Variants in RGPD2 observed in about 807,000 individuals in gnomAD.
RGPD2 encodes the protein RANBP2-like and GRIP domain-containing protein 2.
A neutral mutation model predicts 36.0 loss-of-function variants in RGPD2; 2 were observed. The ratio of observed to expected loss-of-function variants is 0.06; its 90% CI spans 0.02 to 0.17. RGPD2 has a LOEUF of 0.17. RGPD2 is among the 10% of genes least tolerant of loss of function. RGPD2 has a pLI of 1.00. For missense variants in RGPD2, 40 were observed against 464.3 expected (o/e 0.09, Z 8.40); for synonymous variants, 19 against 163.8 (o/e 0.12, Z 6.75).
the RGPD2 span, among the ~76,000 whole-genome samples, chr2:87,940,494 T>C: frequency 6.9e-6 from 1 of 145,872 alleles, no homozygotes; most frequent in East Asian, 2.0e-4. Flanking sequence ...ATCCATTTGA[T>C]GGCCCTGTGA....
At chr2:87,809,634 C>T (rs1263381123) in intron 6 of RGPD2, among the ~76,000 whole-genome samples, 3 of 143,426 alleles carry the variant, frequency 2.1e-5, no homozygotes, top group African/African-American at 7.5e-5. Flanking sequence ...CCCATGAGTC[C>T]TGATTAACTG....
At chr2:87,915,295 TTA>T in the RGPD2 span, among the ~76,000 whole-genome samples, 1 of 129,088 alleles carries the variant, frequency 7.7e-6, no homozygotes, top group South Asian at 2.1e-4. Context: ...TATATGTATA[TTA>T]TATATATTGT....
intron 20 of RGPD2, among the ~76,000 whole-genome samples, chr2:87,781,458 T>G (rs1442698075): frequency 1.6e-4 from 22 of 138,050 alleles, no homozygotes; most frequent in Non-Finnish European, 2.2e-4. Flanking sequence ...TTTTTTTTGT[T>G]TTTTTGTTTT....
At chr2:87,955,323 CTTT>C in the RGPD2 span, among the ~76,000 whole-genome samples, 1 of 137,370 alleles carries the variant, frequency 7.3e-6, no homozygotes. Flanking sequence ...CCGAAAAGTT[CTTT>C]ATTTTCACCT....
chr2:87,874,002 A>G, the RGPD2 span, among the ~76,000 whole-genome samples: 19 of 151,568 alleles, frequency 1.3e-4, no homozygotes, highest in Admixed American at 3.9e-4. Flanking sequence ...GCTTTTTTTC[A>G]TGTTTGTTGG....
intron 2 of RGPD2, among the ~76,000 whole-genome samples, chr2:87,818,020 TAA>T (rs1175812254): frequency 0.016 from 1,047 of 65,318 alleles, 9 homozygotes; most frequent in Middle Eastern, 0.027. Flanking sequence ...AGATACTGAC[TAA>T]AAAAAAAAAA....
the RGPD2 span, among the ~76,000 whole-genome samples, chr2:87,961,779 C>T: frequency 6.7e-6 from 1 of 149,868 alleles, no homozygotes; most frequent in Non-Finnish European, 1.5e-5. Flanking sequence ...TCAGACCTCT[C>T]TATATGCAGG....
chr2:87,824,726 CGCCCGGCCAGGCCGAG>C (rs1216843791), intron 1 of RGPD2, among the ~76,000 whole-genome samples: 7 of 119,202 alleles, frequency 5.9e-5, no homozygotes, highest in Non-Finnish European at 7.9e-5. Context: ...CCGCCGCCGC[CGCCCGGCCAGGCCGAG>C]GCCGCCGCCG....
At chr2:87,885,488 A>G in the RGPD2 span, among the ~76,000 whole-genome samples, 1 of 151,756 alleles carries the variant, frequency 6.6e-6, no homozygotes, top group African/African-American at 2.4e-5. Context: ...ATAGTACTGG[A>G]AGTCCTAGCC....
chr2:87,825,193 A>C, intron 1 of RGPD2: 2 of 393,852 alleles, frequency 5.1e-6, no homozygotes, highest in Non-Finnish European at 8.9e-6. Flanking sequence ...CCCTCTATTG[A>C]TCCCCACCTC....
chr2:87,972,706 T>A, the RGPD2 span: 1 of 1,600,782 alleles, frequency 6.2e-7, no homozygotes, highest in Non-Finnish European at 8.5e-7. Context: ...GGGGGGCACT[T>A]CGGGCGCCGC....
At chr2:87,919,624 C>T in the RGPD2 span, among the ~76,000 whole-genome samples, 1 of 146,200 alleles carries the variant, frequency 6.8e-6, no homozygotes. Flanking sequence ...AAATAGTTTT[C>T]TAGTGGAAAA....
Position 87,825,562 on chromosome 2 carries a change from A to AGGCCGC in RGPD2, c.72+90_72+95dup, listed in dbSNP as rs1686750980. 8 of 983,920 alleles carry AGGCCGC rather than the reference A, an allele frequency of 8.1e-6. 1 individual carries two copies. In the Admixed American group the frequency reaches 6.0e-4, roughly 73 times the overall value. 60.9% of individuals were successfully genotyped at this position (983,920 alleles called of 1,614,324 possible). A position where few individuals can be genotyped will look rare whatever the true frequency, so the allele number is the denominator to read the frequency against. On this transcript the variant is annotated intron_variant, in intron 1 of 22. Coordinates refer to ENST00000398146, the MANE Select transcript of RGPD2 (RefSeq NM_001078170.3). ...CCGAGGCCGCCGCCCGGCCAGGTCG[A>AGGCCGC]GGCCGCCGCCCGGCCAGGTCGAGGC...
chr2:87,947,458 C>T, the RGPD2 span, among the ~76,000 whole-genome samples: 20,425 of 148,316 alleles, frequency 0.14, 4 homozygotes, highest in Non-Finnish European at 0.19. Flanking sequence ...GGGCTTCCTT[C>T]GGTCCTGGAT....
the RGPD2 span, among the ~76,000 whole-genome samples, chr2:87,884,570 G>A: frequency 2.6e-5 from 4 of 151,620 alleles, no homozygotes; most frequent in Non-Finnish European, 5.9e-5. Flanking sequence ...GAATAAAAGA[G>A]AGAAGACAAA....
chr2:87,879,392 ATTCT>A, the RGPD2 span, among the ~76,000 whole-genome samples: 3 of 151,094 alleles, frequency 2.0e-5, no homozygotes, highest in African/African-American at 7.3e-5. Context: ...GTCTTTATTC[ATTCT>A]TTCTATTTTT....
chr2:87,810,173 G>C (rs1686126419), intron 6 of RGPD2, among the ~76,000 whole-genome samples: 1 of 1,876 alleles, frequency 5.3e-4, no homozygotes, highest in Middle Eastern at 0.056. Context: ...AAAAAAAAGA[G>C]AGATTGAGAC....
At chr2:87,956,806 A>T in the RGPD2 span, among the ~76,000 whole-genome samples, 1 of 140,290 alleles carries the variant, frequency 7.1e-6, no homozygotes, top group Non-Finnish European at 1.5e-5. Flanking sequence ...TGTGAGACTA[A>T]GGCTCTACCT....
the RGPD2 span, among the ~76,000 whole-genome samples, chr2:87,919,612 A>C: frequency 6.7e-6 from 1 of 148,522 alleles, no homozygotes; most frequent in Non-Finnish European, 1.5e-5. Flanking sequence ...AAACAAATTT[A>C]AAAATAGTTT....
Sources: allele counts gnomAD v4.1 joint callset (sites outside exome capture counted in the v4.1 genomes callset), GRCh38; gene constraint gnomAD v4.1.1; transcripts MANE v1.5; gene names NCBI Gene and HGNC (gene_info 2026-07-23, HGNC 2026-07-21).